WWOX: variants seen among roughly 807,000 people sequenced by gnomAD.
The protein encoded by WWOX is WW domain-containing oxidoreductase.
In WWOX, 69 loss-of-function variants were observed where a neutral mutation model predicts 46.2. The ratio of observed to expected loss-of-function variants is 1.49; its 90% CI spans 1.23 to 1.82. The LOEUF (loss-of-function observed/expected upper bound fraction) is 1.82, where lower values mean the gene tolerates loss of function less well. Ranked by LOEUF, WWOX falls within the 40% of genes most tolerant of loss-of-function variation. The pLI is 0.00. For missense variants in WWOX, 919 were observed against 542.6 expected, an observed-to-expected ratio of 1.69 and a Z score of -6.89; for synonymous variants, 359 against 202.6, an observed-to-expected ratio of 1.77 and a Z score of -6.56.
rs147325778 is a variant in WWOX, at chr16:78,423,581, C to T, written c.606-1289C>T. ...ACTTGTATTGTTAACAATTTTGTTA[C>T]GTTTGTGAGGCCTAGGCAGAAGGAT... On this transcript the variant is annotated intron_variant, in intron 6 of 8. Transcript: ENST00000566780. Among the ~76,000 whole-genome samples the T allele has an allele frequency of 5.3e-5, 8 of 152,052 alleles. No homozygotes were observed. The East Asian group carries it at 9.7e-4, about 18-fold the overall frequency.
intron 8 of WWOX, among the ~76,000 whole-genome samples, chr16:78,609,907 A>T (rs888235948): frequency 6.6e-6 from 1 of 152,286 alleles, no homozygotes; most frequent in Non-Finnish European, 1.5e-5. Context: ...AGGTTTCTCT[A>T]TTAAGAGCTT....
chr16:78,111,590 G>C (rs1486233109), intron 3 of WWOX, among the ~76,000 whole-genome samples: 1 of 152,150 alleles, frequency 6.6e-6, no homozygotes, highest in Non-Finnish European at 1.5e-5. Context: ...CCTTGGAGGA[G>C]TCAGGGAACA....
intron 8 of WWOX, among the ~76,000 whole-genome samples, chr16:78,894,361 C>T (rs995999776): frequency 2.6e-5 from 4 of 152,162 alleles, no homozygotes; most frequent in Non-Finnish European, 4.4e-5. Flanking sequence ...GCAAAGGATA[C>T]ACCTCCAAGT....
intron 8 of WWOX, among the ~76,000 whole-genome samples, chr16:78,760,997 G>A (rs773558193): frequency 6.6e-6 from 1 of 152,086 alleles, no homozygotes; most frequent in Non-Finnish European, 1.5e-5. Context: ...ACTATCATGA[G>A]CATAGCACAG....
intron 8 of WWOX, among the ~76,000 whole-genome samples, chr16:78,770,897 T>C (rs942223337): frequency 2.0e-5 from 3 of 152,146 alleles, no homozygotes; most frequent in Admixed American, 6.5e-5. Flanking sequence ...TATGGGAAAA[T>C]AGGCAGAGCG....
At chr16:79,004,604 C>G (rs573510467) in intron 8 of WWOX, 1 of 152,226 alleles carries the variant, frequency 6.6e-6, no homozygotes, top group Non-Finnish European at 1.5e-5. Context: ...CCTGTTCAAC[C>G]CTCTTAAATA....
At chr16:79,124,627 T>A (rs1597395784) in intron 8 of WWOX, among the ~76,000 whole-genome samples, 1 of 152,146 alleles carries the variant, frequency 6.6e-6, no homozygotes, top group Non-Finnish European at 1.5e-5. Flanking sequence ...AGACTTCTTG[T>A]GGAATGATGA....
At chr16:78,481,073 A>G (rs953173377) in intron 8 of WWOX, among the ~76,000 whole-genome samples, 9 of 152,246 alleles carry the variant, frequency 5.9e-5, no homozygotes, top group Non-Finnish European at 1.2e-4. Context: ...CAAAAATCTA[A>G]ATTAGCAAAG....
rs112715488 is a variant in WWOX, at chr16:78,354,210, G to C, written c.517-32650G>C. On this transcript the variant is annotated intron_variant, in intron 5 of 8. Coordinates refer to ENST00000566780, the MANE Select transcript of WWOX (RefSeq NM_016373.4). ...TGTAAACATCTGTTTGGAAACGTTTGCTGGTGCCCACCCCAGCACCCCCCC... is the reference window on the plus strand; with the variant it reads ...TGTAAACATCTGTTTGGAAACGTTTCCTGGTGCCCACCCCAGCACCCCCCC... Among the ~76,000 whole-genome samples, 893 of 151,868 alleles carry C rather than the reference G, an allele frequency of 5.9e-3. 5 individuals carry two copies. Among genetic ancestry groups the C allele is most frequent in the Middle Eastern group, 0.014 (4 of 292 alleles).
At chr16:79,167,832 C>A (rs1196645501) in intron 8 of WWOX, among the ~76,000 whole-genome samples, 2 of 152,158 alleles carry the variant, frequency 1.3e-5, no homozygotes, top group Non-Finnish European at 2.9e-5. Context: ...GCCACCGTCA[C>A]CTCTTTTTAG....
chr16:78,850,349 C>T (rs184547029), intron 8 of WWOX, among the ~76,000 whole-genome samples: 1 of 152,066 alleles, frequency 6.6e-6, no homozygotes, highest in African/African-American at 2.4e-5. Flanking sequence ...ATACTACATC[C>T]CGAGTGTTTC....
intron 5 of WWOX, among the ~76,000 whole-genome samples, chr16:78,174,124 A>G (rs2035253879): frequency 6.6e-6 from 1 of 152,210 alleles, no homozygotes; most frequent in Admixed American, 6.5e-5. Flanking sequence ...GGGACACTGT[A>G]TTAGTCCATT....
chr16:78,475,870 C>G (rs1163330798), intron 8 of WWOX, among the ~76,000 whole-genome samples: 2 of 152,182 alleles, frequency 1.3e-5, no homozygotes, highest in African/African-American at 4.8e-5. Flanking sequence ...GCTGCGATTA[C>G]ATTTTAAAAC....
intron 8 of WWOX, among the ~76,000 whole-genome samples, chr16:79,027,515 AT>A: frequency 6.6e-6 from 1 of 151,856 alleles, no homozygotes; most frequent in African/African-American, 2.4e-5. Context: ...GCCTGCCATC[AT>A]TTTGGAATGT....
intron 8 of WWOX, among the ~76,000 whole-genome samples, chr16:78,828,942 G>C (rs763204408): frequency 2.8e-4 from 42 of 152,162 alleles, no homozygotes; most frequent in East Asian, 9.6e-4. Context: ...AACTTATAGA[G>C]GTTAAAGGGA....
intron 1 of WWOX, among the ~76,000 whole-genome samples, chr16:78,105,688 G>A (rs1202653521): frequency 1.3e-5 from 2 of 152,228 alleles, no homozygotes; most frequent in Non-Finnish European, 2.9e-5. Flanking sequence ...GGCCAGGCAT[G>A]AGGCTACATG....
At chr16:78,543,250 G>C (rs2043941543) in intron 8 of WWOX, among the ~76,000 whole-genome samples, 1 of 152,204 alleles carries the variant, frequency 6.6e-6, no homozygotes, top group African/African-American at 2.4e-5. Flanking sequence ...GGTTTGGTCT[G>C]AAGTGTCACG....
intron 8 of WWOX, among the ~76,000 whole-genome samples, chr16:79,174,227 T>G (rs953069555): frequency 2.0e-5 from 3 of 152,240 alleles, no homozygotes; most frequent in African/African-American, 7.2e-5. Flanking sequence ...AAATGCCTCT[T>G]GGCCACCAAT....
chr16:78,801,070 T>A (rs79223351), intron 8 of WWOX, among the ~76,000 whole-genome samples: 2 of 151,870 alleles, frequency 1.3e-5, no homozygotes, highest in East Asian at 1.9e-4. Flanking sequence ...TTTTTTTTTT[T>A]AAAGACAGAG....
Sources: gnomAD v4.1 joint callset for allele counts (sites outside exome capture counted in the v4.1 genomes callset) on GRCh38, gnomAD v4.1.1 for gene constraint, MANE v1.5 for transcripts, NCBI Gene and HGNC (gene_info 2026-07-23, HGNC 2026-07-21) for gene names.